The following UNC5D variants were observed in gnomAD, a reference collection of about 807,000 sequenced individuals.
The protein encoded by UNC5D is unc-5 netrin receptor D.
Under a neutral mutation model 105.4 loss-of-function variants are expected in UNC5D, and 39 were observed. That is an observed-to-expected ratio of 0.37 (90% CI 0.29 to 0.48). UNC5D has a LOEUF of 0.48. UNC5D is among the 20% of genes least tolerant of loss of function. The probability of loss-of-function intolerance (pLI) is 0.98; values close to 1 mark genes in which losing one functional copy is unlikely to be tolerated. For synonymous variants in UNC5D, 452 were observed against 450.4 expected, an observed-to-expected ratio of 1.00 and a Z score of -0.04; for missense variants, 991 against 1,202.4, an observed-to-expected ratio of 0.82 and a Z score of 2.60.
At chr8:35,385,565 A>ACGC (rs1803335737) in intron 1 of UNC5D, among the ~76,000 whole-genome samples, 1 of 144,466 alleles carries the variant, frequency 6.9e-6, no homozygotes, top group African/African-American at 2.6e-5. Context: ...TCCCGGACTC[A>ACGC]CGCCATTCTC....
intron 1 of UNC5D, among the ~76,000 whole-genome samples, chr8:35,286,494 A>C (rs1160574302): frequency 6.6e-6 from 1 of 152,128 alleles, no homozygotes; most frequent in Non-Finnish European, 1.5e-5. Flanking sequence ...CTAGCAGTGG[A>C]GAGGTAATCC....
At chr8:35,701,751 T>C (rs1311338871) in intron 7 of UNC5D, among the ~76,000 whole-genome samples, 1 of 151,930 alleles carries the variant, frequency 6.6e-6, no homozygotes, top group African/African-American at 2.4e-5. Flanking sequence ...TTTTTATAGG[T>C]AAAAATGATA....
intron 1 of UNC5D, among the ~76,000 whole-genome samples, chr8:35,482,615 G>A (rs1042115484): frequency 1.3e-4 from 20 of 151,834 alleles, no homozygotes; most frequent in African/African-American, 4.8e-4. Context: ...TCATTAATTT[G>A]ACCAACATTT....
intron 1 of UNC5D, among the ~76,000 whole-genome samples, chr8:35,257,759 G>T (rs184969698): frequency 6.6e-6 from 1 of 152,062 alleles, no homozygotes; most frequent in East Asian, 1.9e-4. Flanking sequence ...GAATTCATAC[G>T]TATTTAACAC....
intron 1 of UNC5D, among the ~76,000 whole-genome samples, chr8:35,259,762 T>C (rs1000583919): frequency 1.3e-5 from 2 of 151,520 alleles, no homozygotes; most frequent in African/African-American, 2.4e-5. Flanking sequence ...TTTTTTTTTT[T>C]AAATGCTGTA....
intron 7 of UNC5D, among the ~76,000 whole-genome samples, chr8:35,694,149 T>A (rs1826595213): frequency 6.6e-6 from 1 of 152,124 alleles, no homozygotes; most frequent in Admixed American, 6.6e-5. Flanking sequence ...TAGAACCAGC[T>A]CGTCGGTGAG....
At chr8:35,648,345 C>T (rs145167401) in intron 4 of UNC5D, among the ~76,000 whole-genome samples, 142 of 152,076 alleles carry the variant, frequency 9.3e-4, no homozygotes, top group African/African-American at 3.2e-3. Context: ...GTACCTGCTC[C>T]CACAATATCC....
At chr8:35,462,496 A>T (rs1402219947) in intron 1 of UNC5D, among the ~76,000 whole-genome samples, 2 of 152,194 alleles carry the variant, frequency 1.3e-5, no homozygotes, top group East Asian at 3.8e-4. Context: ...TTAAACTTGA[A>T]TCATAGAGAT....
intron 1 of UNC5D, among the ~76,000 whole-genome samples, chr8:35,512,744 C>A (rs748836007): frequency 1.3e-5 from 2 of 150,582 alleles, no homozygotes; most frequent in Non-Finnish European, 2.9e-5. Context: ...AGAGATGTAT[C>A]ATTCTAAGGT....
chr8:35,726,253 A>C lies in UNC5D; in HGVS notation c.1405A>C (p.Met469Leu). 1 of 1,614,166 alleles carries C rather than the reference A, an allele frequency of 6.2e-7. No homozygotes were observed. Among genetic ancestry groups the C allele is most frequent in the Non-Finnish European group, 8.5e-7 (1 of 1,180,022 alleles). ...CLQDPLDKEL[M>L]TESSLFNPLS... ...GCAGGACCCTCTGGACAAGGAGCTCATGACAGAGTCCTCACTCTTTAACCC... is the reference window on the plus strand; with the variant it reads ...GCAGGACCCTCTGGACAAGGAGCTCCTGACAGAGTCCTCACTCTTTAACCC... Residue 469 changes from methionine (M) to leucine (L), a missense_variant, in exon 10 of 17, where the codon ATG becomes CTG. Physicochemically the swap from Met to Leu is conservative, Grantham distance 15. This residue lies in a region of UNC5D where 944 missense variants were observed against 1,131.6 expected (regional missense o/e 0.83). Transcript: ENST00000404895.
intron 7 of UNC5D, among the ~76,000 whole-genome samples, chr8:35,691,725 A>G (rs1291385164): frequency 6.6e-6 from 1 of 152,142 alleles, no homozygotes; most frequent in Non-Finnish European, 1.5e-5. Flanking sequence ...TTTCCTGACC[A>G]TTGGACTTTC....
intron 7 of UNC5D, among the ~76,000 whole-genome samples, chr8:35,695,793 G>A (rs995624214): frequency 7.9e-5 from 12 of 151,778 alleles, no homozygotes; most frequent in South Asian, 2.1e-4. Context: ...GGAATGCAGT[G>A]GCACAATCTT....
At chr8:35,249,003 A>G (rs1323752310) in intron 1 of UNC5D, among the ~76,000 whole-genome samples, 1 of 74,810 alleles carries the variant, frequency 1.3e-5, no homozygotes, top group Non-Finnish European at 2.4e-5. Context: ...ATATATAAAC[A>G]TATATAATAT....
At chr8:35,497,418 A>G (rs1811668565) in intron 1 of UNC5D, among the ~76,000 whole-genome samples, 1 of 152,196 alleles carries the variant, frequency 6.6e-6, no homozygotes, top group African/African-American at 2.4e-5. Context: ...GTTTTCTCAA[A>G]TGCCAGTGCA....
At chr8:35,549,637 C>G (rs1011697800) in intron 2 of UNC5D, 127 bp downstream of exon 2, 1 of 848,934 alleles carries the variant, frequency 1.2e-6, no homozygotes, top group Non-Finnish European at 1.8e-6. Context: ...TTACATCACT[C>G]CCAGCATATA....
chr8:35,452,679 A>G (rs946281139), intron 1 of UNC5D, among the ~76,000 whole-genome samples: 11 of 152,316 alleles, frequency 7.2e-5, no homozygotes, highest in African/African-American at 1.4e-4. Context: ...ATTCCTTATG[A>G]TTTAAAGCAC....
intron 1 of UNC5D, among the ~76,000 whole-genome samples, chr8:35,547,622 G>C (rs559283948): frequency 6.6e-6 from 1 of 152,220 alleles, no homozygotes; most frequent in African/African-American, 2.4e-5. Flanking sequence ...TGTTTTTAAT[G>C]AATTGGGTTT....
At chr8:35,344,817 A>G (rs1811688038) in intron 1 of UNC5D, among the ~76,000 whole-genome samples, 1 of 152,056 alleles carries the variant, frequency 6.6e-6, no homozygotes, top group South Asian at 2.1e-4. Context: ...CATTTTTGCC[A>G]AAACATAGTA....
intron 8 of UNC5D, among the ~76,000 whole-genome samples, chr8:35,717,577 A>G (rs1828322008): frequency 6.6e-6 from 1 of 152,150 alleles, no homozygotes; most frequent in South Asian, 2.1e-4. Flanking sequence ...AAATAAAATA[A>G]CTGGAGAGTA....
Sources: gnomAD v4.1 joint callset for allele counts (sites outside exome capture counted in the v4.1 genomes callset) on GRCh38, gnomAD v4.1.1 for gene constraint, gnomAD v4.1.1 regional missense constraint, MANE v1.5 for transcripts, NCBI Gene and HGNC (gene_info 2026-07-23, HGNC 2026-07-21) for gene names.